The following BICD1 variants were observed in gnomAD, a reference collection of about 807,000 sequenced individuals.
The protein encoded by BICD1 is BICD cargo adaptor 1.
In BICD1, 35 loss-of-function variants were observed where a neutral mutation model predicts 92.5. The observed-to-expected ratio is 0.38, with a 90% CI of 0.29 to 0.50. The LOEUF (loss-of-function observed/expected upper bound fraction) is 0.50. Ranked by LOEUF, BICD1 falls within the 20% of genes least tolerant of loss-of-function variation. The pLI, the probability that BICD1 is intolerant of heterozygous loss-of-function variation, is 0.93. For missense variants in BICD1, 950 were observed against 1,189.8 expected (o/e 0.80, Z 2.97); for synonymous variants, 429 against 465.1 (o/e 0.92, Z 1.00).
Position 32,337,830 on chromosome 12 carries a change from G to T in BICD1, c.2570+14G>T. 2.5e-6 allele frequency: 4 copies of T among 1,613,054 alleles called. No individual in the cohort carries two copies. Among genetic ancestry groups the T allele is most frequent in the South Asian group, 1.1e-5 (1 of 91,018 alleles). On this transcript the variant is annotated intron_variant, in intron 7 of 9. Transcript: ENST00000652176. This position sits in a 1 kb window ranked among gnomAD's most constrained non-coding sequence, Gnocchi z 4.7. ...TCAGAGGAAAAGGTATGCATGCAGC[G>T]ATCTTCATAGTACGGTGCAGTGGCC...
intron 1 of BICD1, among the ~76,000 whole-genome samples, chr12:32,140,572 C>A (rs1300191512): frequency 6.6e-6 from 1 of 152,152 alleles, no homozygotes; most frequent in African/African-American, 2.4e-5. Context: ...ACCCCGCCTC[C>A]CGGGTTCAAG....
At chr12:32,316,168 T>C (rs1030567999) in intron 4 of BICD1, among the ~76,000 whole-genome samples, 1 of 151,758 alleles carries the variant, frequency 6.6e-6, no homozygotes, top group Non-Finnish European at 1.5e-5. Context: ...TTGAGTTAGA[T>C]GATTTTTGCC....
At chr12:32,224,397 G>A (rs1397619738) in intron 2 of BICD1, among the ~76,000 whole-genome samples, 2 of 152,192 alleles carry the variant, frequency 1.3e-5, no homozygotes, top group Non-Finnish European at 1.5e-5. Context: ...ACTTTACTAC[G>A]TTCATTATTG....
chr12:32,216,201 T>G, intron 1 of BICD1, 46 bp from the exon 2 acceptor site: 1 of 1,578,410 alleles, frequency 6.3e-7, no homozygotes, highest in Non-Finnish European at 8.7e-7. Context: ...AAGAGGGTTA[T>G]GATGCATTTC....
intron 1 of BICD1, among the ~76,000 whole-genome samples, chr12:32,145,527 G>A (rs1338319387): frequency 6.6e-6 from 1 of 152,166 alleles, no homozygotes; most frequent in Non-Finnish European, 1.5e-5. Flanking sequence ...GGGAAGGAAG[G>A]AGGAGACACT....
chr12:32,131,355 C>T (rs1332291161), intron 1 of BICD1, among the ~76,000 whole-genome samples: 6 of 152,126 alleles, frequency 3.9e-5, no homozygotes, highest in Non-Finnish European at 8.8e-5. Flanking sequence ...AAAGGTGGTG[C>T]TCATTTTCTA....
intron 8 of BICD1, among the ~76,000 whole-genome samples, chr12:32,346,875 C>G (rs1339120867): frequency 6.7e-6 from 1 of 149,308 alleles, no homozygotes; most frequent in African/African-American, 2.5e-5. Flanking sequence ...ACACAGAAAT[C>G]TAAATTTGAA....
chr12:32,193,099 G>A (rs1311455129), intron 1 of BICD1, among the ~76,000 whole-genome samples: 1 of 152,220 alleles, frequency 6.6e-6, no homozygotes, highest in African/African-American at 2.4e-5. Flanking sequence ...GTTCTACTGT[G>A]GGTAAAATGC....
Position 32,106,989 on chromosome 12 carries a change from A to G in BICD1, c.-343A>G, listed in dbSNP as rs1941491259. The stretch of plus-strand genomic sequence containing the variant: ...GGCGGACGGGCGTCTCTGAATAAGC[A>G]GAATCCGGAGCCCCTCGCTACCCGC... On this transcript the variant is annotated 5_prime_UTR_variant, in exon 1 of 10. Transcript: ENST00000652176. 2 of 278,536 alleles carry G rather than the reference A, an allele frequency of 7.2e-6. No homozygotes were observed. The highest frequency in any genetic ancestry group is 4.4e-5 in the South Asian group (1 of 22,500). 17.3% of individuals were successfully genotyped at this position (278,536 alleles called of 1,614,324 possible).
rs1046103078 is a variant in BICD1, at chr12:32,107,473, C to T, written c.142C>T (p.Leu48Phe). The change falls in exon 1 of 10, where the codon CTC (leucine) becomes TTC (phenylalanine). Residue 48 changes from leucine to phenylalanine, a missense_variant. By Grantham distance (22) the Leu-to-Phe change is conservative. Coordinates refer to ENST00000652176, the MANE Select transcript of BICD1 (RefSeq NM_001714.4). ...GLVVLEEKLT[L>F]KQQYDELEAE... Reference sequence around the variant, plus strand: ...GGTGGTGCTGGAGGAGAAGCTGACCCTCAAACAGCAGTATGATGAACTGGA... The same window carrying T: ...GGTGGTGCTGGAGGAGAAGCTGACCTTCAAACAGCAGTATGATGAACTGGA... The T allele has an allele frequency of 6.2e-7, 1 of 1,610,334 alleles. No homozygotes were observed. The highest frequency in any genetic ancestry group is 8.5e-7 in the Non-Finnish European group (1 of 1,178,632).
intron 1 of BICD1, among the ~76,000 whole-genome samples, chr12:32,193,118 A>AG (rs755129173): frequency 8.5e-5 from 13 of 152,238 alleles, no homozygotes; most frequent in Non-Finnish European, 1.8e-4. Context: ...GCTGCCAGAC[A>AG]GTATTGCCTA....
chr12:32,245,683 A>G lies in BICD1; in HGVS notation c.426+29224A>G, dbSNP rs142663659. 8.5e-5 allele frequency among the ~76,000 whole-genome samples: 13 copies of G among 152,238 alleles called. No individual in the cohort carries two copies. The East Asian group carries it at 2.5e-3, about 29-fold the overall frequency. ...GTTACTTTGAGAATTAAATGAGGTA[A>G]TGCAAAGCTCTTAGAGTAGTTACTA... On this transcript the variant is annotated intron_variant, in intron 2 of 9. Coordinates refer to ENST00000652176, the MANE Select transcript of BICD1 (RefSeq NM_001714.4).
chr12:32,116,496 CTCTCTCTCTCTCTCTATATA>C (rs1223452248), intron 1 of BICD1, among the ~76,000 whole-genome samples: 254 of 67,544 alleles, frequency 3.8e-3, no homozygotes, highest in Admixed American at 0.012. Flanking sequence ...CTCTCTTTCT[CTCTCTCTCTCTCTCTATATA>C]TATATATATA....
chr12:32,150,410 T>C (rs577750915), intron 1 of BICD1, among the ~76,000 whole-genome samples: 1 of 152,334 alleles, frequency 6.6e-6, no homozygotes, highest in East Asian at 1.9e-4. Context: ...CTTGAAAATT[T>C]AGCTTGGGCT....
rs1941516020 is a variant in BICD1, at chr12:32,107,375, C to T, written c.44C>T (p.Thr15Ile). The change falls in exon 1 of 10, where the codon ACT (threonine) becomes ATT (isoleucine). Residue 15 changes from threonine (T) to isoleucine (I), a missense_variant. Thr to Ile is a moderately conservative substitution (Grantham distance 89, BLOSUM62 -1). Coordinates refer to ENST00000652176, the MANE Select transcript of BICD1 (RefSeq NM_001714.4). ...TTGCAGACGGTGGACCATTATAAGA[C>T]TGAGATAGAGAGGCTAACCAAGGAG... ...EVLQTVDHYK[T>I]EIERLTKELT... The T allele has an allele frequency of 6.2e-6, 10 of 1,610,964 alleles. No homozygotes were observed. The highest frequency in any genetic ancestry group is 8.5e-6 in the Non-Finnish European group (10 of 1,178,868).
chr12:32,379,783 A>G lies in BICD1; in HGVS notation c.*2156A>G, dbSNP rs1247296496. On this transcript the variant is annotated 3_prime_UTR_variant, in exon 10 of 10. Coordinates refer to ENST00000652176, the MANE Select transcript of BICD1 (RefSeq NM_001714.4). ...GGAAATATATGCCTTTTTAAAAAGT[A>G]CCTCAGAACATGTTCGTAGATCGTC... The G allele has an allele frequency of 6.6e-6, 1 of 152,158 alleles. No individual in the cohort carries two copies. The highest frequency in any genetic ancestry group is 1.5e-5 in the Non-Finnish European group (1 of 68,028). 9.4% of individuals were successfully genotyped at this position (152,158 alleles called of 1,614,324 possible).
chr12:32,324,492 T>G (rs1022930474), intron 4 of BICD1, among the ~76,000 whole-genome samples: 1 of 152,214 alleles, frequency 6.6e-6, no homozygotes, highest in African/African-American at 2.4e-5. Flanking sequence ...GGAAATATCT[T>G]TGTGAGTACC....
At chr12:32,306,789 C>G (rs546883775) in intron 4 of BICD1, among the ~76,000 whole-genome samples, 2 of 151,506 alleles carry the variant, frequency 1.3e-5, no homozygotes, top group African/African-American at 2.4e-5. Flanking sequence ...CTGAAGCGGG[C>G]GGATCACCTG....
chr12:32,233,829 A>G (rs1448002482), intron 2 of BICD1, among the ~76,000 whole-genome samples: 1 of 152,028 alleles, frequency 6.6e-6, no homozygotes, highest in African/African-American at 2.4e-5. Context: ...CTTGACCTCT[A>G]TTTCCAAAGA....
Sources: allele counts gnomAD v4.1 joint callset (sites outside exome capture counted in the v4.1 genomes callset), GRCh38; gene constraint gnomAD v4.1.1; non-coding constraint Gnocchi (gnomAD v3.1); transcripts MANE v1.5; gene names NCBI Gene and HGNC (gene_info 2026-07-23, HGNC 2026-07-21).